GPR160: variants seen among roughly 807,000 people sequenced by gnomAD.
GPR160 encodes probable G protein-coupled receptor 160.
Under a neutral mutation model 2.6 loss-of-function variants are expected in GPR160, and 2 were observed. That is an observed-to-expected ratio of 0.77 (90% confidence interval 0.32 to 2.44). GPR160 has a LOEUF of 2.44. Ranked by LOEUF, GPR160 falls within the 30% of genes most tolerant of loss-of-function variation. The pLI is 0.11. For missense variants in GPR160, 351 were observed against 383.6 expected, an observed-to-expected ratio of 0.91 and a Z score of 0.71; for synonymous variants, 130 against 132.2, an observed-to-expected ratio of 0.98 and a Z score of 0.12.
rs1348511278 is a variant in GPR160 at position 170,084,434 on chromosome 3, T to G, written c.462T>G (p.Val154=). 1.9e-6 allele frequency: 3 copies of G among 1,612,210 alleles called. No homozygotes were observed. Among genetic ancestry groups the G allele is most frequent in the Non-Finnish European group, 2.5e-6 (3 of 1,178,276 alleles). The change falls in exon 4 of 4, where the codon GTT becomes GTG. Residue 154 remains valine (V), a synonymous_variant. Transcript: ENST00000355897. ...TTTGGATTTCAGTCCTTGCTTATGT[T>G]TTGGGAGACCCAGCCATCTACCAAA... The part of the protein sequence containing the change: ...ILIWISVLAY[V]LGDPAIYQSL...
intron 3 of GPR160, among the ~76,000 whole-genome samples, chr3:170,082,243 TAACA>T (rs1576917205): frequency 6.6e-6 from 1 of 152,256 alleles, no homozygotes; most frequent in Non-Finnish European, 1.5e-5. Flanking sequence ...GCATTTCACT[TAACA>T]TACTGTGAAA....
chr3:170,078,160 G>T (rs1472954271), intron 2 of GPR160, among the ~76,000 whole-genome samples: 1 of 152,158 alleles, frequency 6.6e-6, no homozygotes, highest in Non-Finnish European at 1.5e-5. Flanking sequence ...AAGAAGGCAC[G>T]TTAGACCTAG....
chr3:170,042,550 G>C (rs1716497966), intron 2 of GPR160, among the ~76,000 whole-genome samples: 1 of 151,196 alleles, frequency 6.6e-6, no homozygotes. Context: ...CATGGGCTGG[G>C]TGTGGTGGCT....
chr3:170,068,987 T>C (rs1712467694), intron 2 of GPR160, among the ~76,000 whole-genome samples: 1 of 152,226 alleles, frequency 6.6e-6, no homozygotes, highest in Admixed American at 6.5e-5. Context: ...TTTGAGTCTT[T>C]ATATCTTGTA....
At chr3:170,071,575 T>G (rs753283361) in intron 2 of GPR160, among the ~76,000 whole-genome samples, 1 of 151,982 alleles carries the variant, frequency 6.6e-6, no homozygotes, top group African/African-American at 2.4e-5. Context: ...GGTGGATCAC[T>G]TGAGGTCAGG....
At chr3:170,062,790 G>A (rs917022579) in intron 2 of GPR160, 2 of 702,022 alleles carry the variant, frequency 2.8e-6, no homozygotes, top group African/African-American at 3.6e-5. Context: ...GCTGCAATTT[G>A]AAGAAAGGGA....
Position 170,084,851 on chromosome 3 carries a change from G to A in GPR160, c.879G>A (p.Trp293Ter). Residue 293 changes from tryptophan (W) to a stop codon, truncating the protein, a stop_gained, in exon 4 of 4, where the codon TGG (tryptophan) becomes TGA (stop). Coordinates refer to ENST00000355897, the MANE Select transcript of GPR160 (RefSeq NM_014373.3). LOFTEE classifies it high-confidence loss of function. ...GTTTTCTCATTGCTACAGTGTATTG[G>A]TTTAATTGTCACAAGCTTAATTTAA... Reference protein sequence around the residue: ...VNSFLIATVYWFNCHKLNLKD... With the variant: ...VNSFLIATVY 1 of 1,610,054 alleles carries A rather than the reference G, an allele frequency of 6.2e-7. No homozygotes were observed. Among genetic ancestry groups the A allele is most frequent in the South Asian group, 1.1e-5 (1 of 90,902 alleles).
At chr3:170,063,001 A>T in intron 2 of GPR160, 1 of 219,262 alleles carries the variant, frequency 4.6e-6, no homozygotes, top group South Asian at 7.6e-5. Flanking sequence ...CAGTAAGCCG[A>T]GATCGCGCCA....
chr3:170,059,254 AAAC>A (rs1370120232), intron 2 of GPR160, among the ~76,000 whole-genome samples: 2 of 152,238 alleles, frequency 1.3e-5, no homozygotes, highest in African/African-American at 2.4e-5. Context: ...AAAATAATGA[AAAC>A]AAAGGAAATC....
At chr3:170,058,372 A>G (rs1200606248) in intron 2 of GPR160, among the ~76,000 whole-genome samples, 1 of 152,016 alleles carries the variant, frequency 6.6e-6, no homozygotes, top group Admixed American at 6.6e-5. Context: ...GGTCTTCCTC[A>G]TGTCTGCTCA....
At position 170,058,157 on chromosome 3, in the gene GPR160, C is replaced by T. The variant is rs536535259; in HGVS notation, c.-193+19114C>T. On this transcript the variant is annotated intron_variant, in intron 2 of 3. Transcript: ENST00000355897. Reference sequence around the variant, plus strand: ...ACAGTTTTGTATTAAGTCAAGTGGGCTAAAATGCTTTAAAAAGACCAAAAA... The same window carrying T: ...ACAGTTTTGTATTAAGTCAAGTGGGTTAAAATGCTTTAAAAAGACCAAAAA... The T allele has an allele frequency of 6.4e-4, 98 of 152,222 alleles. 1 individual carries two copies. The highest frequency in any genetic ancestry group is 2.2e-3 in the African/African-American group (92 of 41,508). 9.4% of individuals were successfully genotyped at this position (152,222 alleles called of 1,614,324 possible). A position where few individuals can be genotyped will look rare whatever the true frequency, so the allele number is the denominator to read the frequency against.
chr3:170,038,005 G>A lies in GPR160; in HGVS notation c.-532G>A, dbSNP rs1319787577. On this transcript the variant is annotated 5_prime_UTR_variant, in exon 1 of 4. Coordinates refer to ENST00000355897, the MANE Select transcript of GPR160 (RefSeq NM_014373.3). The surrounding 1 kb of genome is among the most constrained non-coding windows in gnomAD (Gnocchi z 5.3). Reference sequence around the variant, plus strand: ...CCGTCTCTGACGCCCGCATTTCCTGGTCTGGAGCCGGCTGAGCCACAGCAG... The same window carrying A: ...CCGTCTCTGACGCCCGCATTTCCTGATCTGGAGCCGGCTGAGCCACAGCAG... 6.6e-6 allele frequency: 1 copy of A among 152,312 alleles called. No homozygotes were observed. The highest frequency in any genetic ancestry group is 1.9e-4 in the East Asian group (1 of 5,172). The allele number at this position is 152,312 out of a possible 1,614,324, so 9.4% of individuals were successfully genotyped here. A position where few individuals can be genotyped will look rare whatever the true frequency, so the allele number is the denominator to read the frequency against.
intron 2 of GPR160, among the ~76,000 whole-genome samples, chr3:170,042,852 A>G (rs1716518867): frequency 7.0e-6 from 1 of 143,130 alleles, no homozygotes; most frequent in Admixed American, 7.1e-5. Context: ...AAAAAAAAGA[A>G]TTCATGGTAG....
intron 3 of GPR160, among the ~76,000 whole-genome samples, chr3:170,082,159 T>C (rs1166208594): frequency 6.6e-6 from 1 of 152,246 alleles, no homozygotes; most frequent in Non-Finnish European, 1.5e-5. Context: ...ATTGGTAACT[T>C]GATATGTACC....
Position 170,084,664 on chromosome 3 carries a change from G to T in GPR160, c.692G>T (p.Ser231Ile). The T allele has an allele frequency of 6.2e-7, 1 of 1,609,510 alleles. No homozygotes were observed. The highest frequency in any genetic ancestry group is 2.2e-5 in the East Asian group (1 of 44,828). ...ILYFPFSSHS[S>I]YTVRSKKIFL... ...TATTTTCCTTTTTCATCCCACTCCA[G>T]TTATACTGTGAGATCTAAAAAAATA... Residue 231 changes from serine (S) to isoleucine (I), a missense_variant, in exon 4 of 4, where the codon AGT (serine) becomes ATT (isoleucine). By Grantham distance (142) the Ser-to-Ile change is moderately radical. Transcript: ENST00000355897.
chr3:170,071,114 C>T (rs533041773), intron 2 of GPR160, among the ~76,000 whole-genome samples: 1 of 152,176 alleles, frequency 6.6e-6, no homozygotes, highest in South Asian at 2.1e-4. Context: ...CACTCTATAC[C>T]CTTTATTGCT....
chr3:170,051,130 G>A (rs892063058), intron 2 of GPR160, among the ~76,000 whole-genome samples: 9 of 152,198 alleles, frequency 5.9e-5, no homozygotes, highest in African/African-American at 2.2e-4. Context: ...GAAATTGTTA[G>A]TCGTTCTTAT....
chr3:170,058,508 A>G (rs576885739), intron 2 of GPR160, among the ~76,000 whole-genome samples: 2 of 152,260 alleles, frequency 1.3e-5, no homozygotes, highest in African/African-American at 4.8e-5. Flanking sequence ...CAGTGGTTAC[A>G]TTGACAACAG....
At chr3:170,047,945 C>A (rs1716796232) in intron 2 of GPR160, among the ~76,000 whole-genome samples, 2 of 149,416 alleles carry the variant, frequency 1.3e-5, no homozygotes, top group South Asian at 2.1e-4. Flanking sequence ...TCAAGCGATT[C>A]TCCCACCTCA....
Sources: allele counts gnomAD v4.1 joint callset (sites outside exome capture counted in the v4.1 genomes callset), GRCh38; gene constraint gnomAD v4.1.1; non-coding constraint Gnocchi (gnomAD v3.1); transcripts MANE v1.5; gene names NCBI Gene and HGNC (gene_info 2026-07-23, HGNC 2026-07-21).